The following KIF3C variants were observed in gnomAD, a reference collection of about 807,000 sequenced individuals.
KIF3C encodes kinesin-like protein KIF3C.
In KIF3C, 12 loss-of-function variants were observed where a neutral mutation model predicts 67.7. That is an observed-to-expected ratio of 0.18 (90% CI 0.11 to 0.29). KIF3C has a LOEUF of 0.29. Ranked by LOEUF, KIF3C falls within the 10% of genes least tolerant of loss-of-function variation. The pLI, the probability that KIF3C is intolerant of heterozygous loss-of-function variation, is 1.00. For missense variants in KIF3C, 789 were observed against 1,059.6 expected (o/e 0.74, Z 3.55); for synonymous variants, 393 against 426.2 (o/e 0.92, Z 0.96).
intron 6 of KIF3C, 87 bp from the exon 7 acceptor site, chr2:25,929,564 T>C: frequency 8.5e-7 from 1 of 1,179,892 alleles, no homozygotes; most frequent in Non-Finnish European, 1.2e-6. Flanking sequence ...GTAGCAGGGC[T>C]GATGAGGTGG....
In KIF3C at chr2:25,928,016, T is replaced by C. The variant is rs2090426122; in HGVS notation, c.*962A>G. ...TGTGACAGATGAAGGGAAAAAGCAA[T>C]AGATGTTAATATCTTCGTTTAGCGA... On this transcript the variant is annotated 3_prime_UTR_variant, in exon 8 of 8. Coordinates refer to ENST00000264712, the MANE Select transcript of KIF3C (RefSeq NM_002254.8). 6.6e-6 allele frequency: 1 copy of C among 152,560 alleles called. No homozygotes were observed. Among genetic ancestry groups the C allele is most frequent in the Non-Finnish European group, 1.5e-5 (1 of 68,040 alleles). The allele number at this position is 152,560 out of a possible 1,614,324, so 9.5% of individuals were successfully genotyped here.
chr2:25,928,540 A>G lies in KIF3C; in HGVS notation c.*438T>C, dbSNP rs543290921. 1 of 156,034 alleles carries G rather than the reference A, an allele frequency of 6.4e-6. No homozygotes were observed. Among genetic ancestry groups the G allele is most frequent in the East Asian group, 1.9e-4 (1 of 5,256 alleles). 9.7% of individuals were successfully genotyped at this position (156,034 alleles called of 1,614,324 possible). On this transcript the variant is annotated 3_prime_UTR_variant, in exon 8 of 8. Coordinates refer to ENST00000264712, the MANE Select transcript of KIF3C (RefSeq NM_002254.8). The stretch of plus-strand genomic sequence containing the variant: ...ACCAAGCAGTCTCCCAGTCCCAGAA[A>G]GTGCTCAGGGGCTGCTCGCCATCAG...
At chr2:25,969,303 TC>T (rs890602735) in intron 1 of KIF3C, among the ~76,000 whole-genome samples, 2 of 151,960 alleles carry the variant, frequency 1.3e-5, no homozygotes, top group African/African-American at 4.8e-5. Context: ...CTTTTATATG[TC>T]CCCCCCGTCT....
At chr2:25,930,203 T>C in intron 5 of KIF3C, 140 bp from the exon 6 acceptor site, 1 of 660,324 alleles carries the variant, frequency 1.5e-6, no homozygotes, top group Non-Finnish European at 2.7e-6. Flanking sequence ...CTTGCTCTAA[T>C]ACAGCTTGAC....
intron 1 of KIF3C, among the ~76,000 whole-genome samples, chr2:25,960,449 C>T (rs1440772297): frequency 6.7e-6 from 1 of 149,164 alleles, no homozygotes; most frequent in East Asian, 1.9e-4. Context: ...CCTCAGTAAC[C>T]AGGCCATATT....
chr2:25,951,855 ATGATCT>A lies in KIF3C; in HGVS notation c.1934_1939del (p.Lys645_Ile646del). On this transcript the variant is annotated inframe_deletion, in exon 5 of 8. Transcript: ENST00000264712. Reference sequence around the variant, plus strand: ...CTCACAGTCCAGGAAAAGCCGGTTCATGATCTTGTTCTTCTCCTCCGGCGGGATGAA... The same window carrying A: ...CTCACAGTCCAGGAAAAGCCGGTTCATGTTCTTCTCCTCCGGCGGGATGAA... The A allele has an allele frequency of 6.2e-7, 1 of 1,614,088 alleles. No homozygotes were observed. Among genetic ancestry groups the A allele is most frequent in the Non-Finnish European group, 8.5e-7 (1 of 1,179,972 alleles).
At chr2:25,972,314 C>T (rs1265442622) in intron 1 of KIF3C, among the ~76,000 whole-genome samples, 1 of 152,158 alleles carries the variant, frequency 6.6e-6, no homozygotes, top group East Asian at 1.9e-4. Context: ...CCTGCTGAGC[C>T]TCAATGTCAC....
In KIF3C at chr2:25,955,787, C is replaced by T; in HGVS notation, c.1648-124G>A. ...TGGCTTCACCATGGCCCATGGCCCA[C>T]ATCCACTGCTCCCACCCAATCCTGC... On this transcript the variant is annotated intron_variant, in intron 2 of 7. Coordinates refer to ENST00000264712, the MANE Select transcript of KIF3C (RefSeq NM_002254.8). This position sits in a 1 kb window ranked among gnomAD's most constrained non-coding sequence, Gnocchi z 5.0. The T allele has an allele frequency of 8.9e-7, 1 of 1,126,864 alleles. No individual in the cohort carries two copies. Among genetic ancestry groups the T allele is most frequent in the Non-Finnish European group, 1.3e-6 (1 of 785,886 alleles). The allele number at this position is 1,126,864 out of a possible 1,614,324, so 69.8% of individuals were successfully genotyped here.
chr2:25,973,008 ATAC>A (rs1664319793), intron 1 of KIF3C, among the ~76,000 whole-genome samples: 1 of 152,190 alleles, frequency 6.6e-6, no homozygotes, highest in South Asian at 2.1e-4. Flanking sequence ...GTTTGAATTC[ATAC>A]TACATTAAAA....
Position 25,980,859 on chromosome 2 carries a change from G to C in KIF3C, c.1059C>G (p.Leu353=). 1 of 1,614,214 alleles carries C rather than the reference G, an allele frequency of 6.2e-7. No individual in the cohort carries two copies. Among genetic ancestry groups the C allele is most frequent in the South Asian group, 1.1e-5 (1 of 91,086 alleles). The part of the protein sequence containing the change: ...GPASHSYDES[L]STLRFANRAK... ...CTCGGTTGGCAAAGCGCAAGGTGGA[G>C]AGGCTCTCATCGTAGCTGTGAGAAG... The change falls in exon 1 of 8, where the codon CTC becomes CTG. Residue 353 remains leucine, a synonymous_variant. Transcript: ENST00000264712. The surrounding 1 kb of genome is among the most constrained non-coding windows in gnomAD (Gnocchi z 7.6).
Position 25,982,094 on chromosome 2 carries a change from G to C in KIF3C, c.-177C>G. 1 of 546,048 alleles carries C rather than the reference G, an allele frequency of 1.8e-6. No homozygotes were observed. 33.8% of individuals were successfully genotyped at this position (546,048 alleles called of 1,614,324 possible). A position where few individuals can be genotyped will look rare whatever the true frequency, so the allele number is the denominator to read the frequency against. ...GGTGGCCCCAACGCTGCTGCAGTCC[G>C]GGCCTCCACCGCTCTCCGGTCCTCT... is the stretch of plus-strand genomic sequence containing the variant. On this transcript the variant is annotated 5_prime_UTR_variant, in exon 1 of 8. Transcript: ENST00000264712.
At chr2:25,947,485 G>A (rs2149229267) in intron 5 of KIF3C, among the ~76,000 whole-genome samples, 1 of 151,962 alleles carries the variant, frequency 6.6e-6, no homozygotes, top group South Asian at 2.1e-4. Context: ...GGAGGCTGAG[G>A]CAGGAGAATG....
chr2:25,955,602 A>C lies in KIF3C; in HGVS notation c.1709T>G (p.Leu570Arg). The change falls in exon 3 of 8, where the codon CTC becomes CGC. Residue 570 changes from leucine (L) to arginine (R), a missense_variant. Leu to Arg is a moderately radical substitution (Grantham distance 102, BLOSUM62 -2). Around this residue, in one of 2 missense-constraint regions of KIF3C, gnomAD observed 648 missense variants for 807.8 expected, o/e 0.80. Coordinates refer to ENST00000264712, the MANE Select transcript of KIF3C (RefSeq NM_002254.8). This position sits in a 1 kb window ranked among gnomAD's most constrained non-coding sequence, Gnocchi z 5.0. ...MMLRDEETME[L>R]RGTYTSLQQE... is the part of the protein sequence containing the mutation. ...CTGCAGGGATGTGTAGGTGCCCCGG[A>C]GCTCCATAGTCTCCTCGTCCCGGAG... 2 of 1,613,938 alleles carry C rather than the reference A, an allele frequency of 1.2e-6. No individual in the cohort carries two copies. Among genetic ancestry groups the C allele is most frequent in the Non-Finnish European group, 1.7e-6 (2 of 1,179,956 alleles).
chr2:25,955,485 G>T lies in KIF3C; in HGVS notation c.1770+56C>A. 1 of 1,600,846 alleles carries T rather than the reference G, an allele frequency of 6.2e-7. No individual in the cohort carries two copies. The highest frequency in any genetic ancestry group is 8.5e-7 in the Non-Finnish European group (1 of 1,171,304). ...GAGTCCCTGAAGCACACATCCCTTG[G>T]GCAGAGACTGCTGGGCCTCCAGCAC... On this transcript the variant is annotated intron_variant, in intron 3 of 7. Transcript: ENST00000264712. This position sits in a 1 kb window ranked among gnomAD's most constrained non-coding sequence, Gnocchi z 5.0.
intron 1 of KIF3C, among the ~76,000 whole-genome samples, chr2:25,970,030 T>C (rs944790124): frequency 6.6e-6 from 1 of 152,204 alleles, no homozygotes; most frequent in Non-Finnish European, 1.5e-5. Flanking sequence ...ATTTGTTGAT[T>C]ATACGAACGA....
Position 25,971,438 on chromosome 2 carries a change from C to CA in KIF3C, c.1545+8934dup, listed in dbSNP as rs1171514127. On this transcript the variant is annotated intron_variant, in intron 1 of 7. Coordinates refer to ENST00000264712, the MANE Select transcript of KIF3C (RefSeq NM_002254.8). ...CTGGTGACAGAGACAGACTACATCT[C>CA]AAAAAAAAAAAAGAAAAAGAAAAAA... 9.3e-3 allele frequency among the ~76,000 whole-genome samples: 1,226 copies of CA among 132,312 alleles called. 11 individuals carry two copies. The highest frequency in any genetic ancestry group is 0.014 in the Admixed American group (177 of 12,854). 86.8% of individuals were successfully genotyped at this position (132,312 alleles called of 152,430 possible).
At chr2:25,971,790 C>T (rs1369813647) in intron 1 of KIF3C, among the ~76,000 whole-genome samples, 1 of 151,244 alleles carries the variant, frequency 6.6e-6, no homozygotes, top group East Asian at 1.9e-4. Context: ...TCACTGAAAC[C>T]TCGAACTCCT....
chr2:25,929,047 T>C lies in KIF3C; in HGVS notation c.2313A>G (p.Pro771=). The part of the protein sequence containing the change: ...RSWCQSPQRP[P]PSTTHASLAS... ...CCAGGGAGGCATGTGTGGTGGAAGG[T>C]GGAGGCCGCTGAGGACTCTGGCACC... Residue 771 remains proline (P), a synonymous_variant, in exon 8 of 8, where the codon CCA becomes CCG. Transcript: ENST00000264712. The C allele has an allele frequency of 1.2e-6, 2 of 1,613,618 alleles. No homozygotes were observed. Among genetic ancestry groups the C allele is most frequent in the Non-Finnish European group, 1.7e-6 (2 of 1,179,888 alleles).
rs1346368760 is a variant in KIF3C at position 25,982,045 on chromosome 2, C to G, written c.-128G>C. On this transcript the variant is annotated 5_prime_UTR_variant, in exon 1 of 8. Coordinates refer to ENST00000264712, the MANE Select transcript of KIF3C (RefSeq NM_002254.8). ...GCGCAGCTCTTCAATCCGCATGCAGCCTCCTAGGGTGGGGACGCTGGGAGG... is the reference window on the plus strand; with the variant it reads ...GCGCAGCTCTTCAATCCGCATGCAGGCTCCTAGGGTGGGGACGCTGGGAGG... 4.2e-6 allele frequency: 3 copies of G among 715,406 alleles called. No individual in the cohort carries two copies. Among genetic ancestry groups the G allele is most frequent in the Non-Finnish European group, 6.7e-6 (3 of 448,812 alleles). The allele number at this position is 715,406 out of a possible 1,614,324, so 44.3% of individuals were successfully genotyped here.
Sources: allele counts gnomAD v4.1 joint callset (sites outside exome capture counted in the v4.1 genomes callset), GRCh38; gene constraint gnomAD v4.1.1; regional missense constraint gnomAD v4.1.1; non-coding constraint Gnocchi (gnomAD v3.1); transcripts MANE v1.5; gene names NCBI Gene and HGNC (gene_info 2026-07-23, HGNC 2026-07-21).